ADGRL3: variants seen among roughly 807,000 people sequenced by gnomAD.
The protein encoded by ADGRL3 is calcium-independent alpha-latrotoxin receptor 3.
Under a neutral mutation model 153.5 loss-of-function variants are expected in ADGRL3, and 62 were observed. That is an observed-to-expected ratio of 0.40 (90% CI 0.33 to 0.50). The LOEUF (loss-of-function observed/expected upper bound fraction) is 0.50, where lower values mean the gene tolerates loss of function less well. Ranked by LOEUF, ADGRL3 falls within the 20% of genes least tolerant of loss-of-function variation. The pLI, the probability that ADGRL3 is intolerant of heterozygous loss-of-function variation, is 0.47. For synonymous variants in ADGRL3, 710 were observed against 672.5 expected (o/e 1.06, Z -0.86); for missense variants, 1,641 against 1,859.4 (o/e 0.88, Z 2.16).
intron 25 of ADGRL3, among the ~76,000 whole-genome samples, chr4:62,051,000 A>T (rs1733792583): frequency 6.6e-6 from 1 of 151,478 alleles, no homozygotes; most frequent in South Asian, 2.1e-4. Context: ...AATTACTGTT[A>T]TATTTATGTC....
intron 6 of ADGRL3, among the ~76,000 whole-genome samples, chr4:61,707,825 A>G (rs1470017243): frequency 6.6e-6 from 1 of 152,074 alleles, no homozygotes; most frequent in Non-Finnish European, 1.5e-5. Context: ...CCCCCTGATG[A>G]TAGGCCCATA....
At chr4:61,339,830 T>C (rs1392568051) in intron 1 of ADGRL3, among the ~76,000 whole-genome samples, 1 of 152,224 alleles carries the variant, frequency 6.6e-6, no homozygotes, top group Non-Finnish European at 1.5e-5. Flanking sequence ...CAATCTTGGG[T>C]CTCTCTGTCT....
At chr4:62,035,648 T>C (rs1724571055) in intron 23 of ADGRL3, among the ~76,000 whole-genome samples, 1 of 152,126 alleles carries the variant, frequency 6.6e-6, no homozygotes, top group Non-Finnish European at 1.5e-5. Context: ...GTCCTCATTC[T>C]TTCCAGACAC....
chr4:62,027,050 A>T (rs1719060766), intron 21 of ADGRL3, among the ~76,000 whole-genome samples: 1 of 152,056 alleles, frequency 6.6e-6, no homozygotes, highest in African/African-American at 2.4e-5. Context: ...TACTATACGA[A>T]TTAAGGTAGA....
At chr4:61,428,264 A>T (rs2152391762) in intron 2 of ADGRL3, 1 of 152,638 alleles carries the variant, frequency 6.6e-6, no homozygotes, top group South Asian at 2.1e-4. Flanking sequence ...CTTCATAGAC[A>T]ATAGTGGCTC....
chr4:61,378,728 ACT>A (rs779406253), intron 1 of ADGRL3, among the ~76,000 whole-genome samples: 4 of 151,932 alleles, frequency 2.6e-5, no homozygotes, highest in Non-Finnish European at 5.9e-5. Flanking sequence ...TGAAAACCAG[ACT>A]CTGTGAAAAA....
chr4:61,951,567 C>A (rs1214305173), intron 17 of ADGRL3, among the ~76,000 whole-genome samples: 6 of 152,088 alleles, frequency 3.9e-5, no homozygotes, highest in African/African-American at 1.4e-4. Flanking sequence ...AATTAGATTT[C>A]AACTTTAGAT....
chr4:61,250,806 T>A (rs1251697359), intron 1 of ADGRL3, among the ~76,000 whole-genome samples: 1 of 152,164 alleles, frequency 6.6e-6, no homozygotes, highest in Admixed American at 6.6e-5. Context: ...GTTGGTAAGG[T>A]CACTTAAATG....
chr4:61,864,308 T>C (rs569727866), intron 9 of ADGRL3, among the ~76,000 whole-genome samples: 1 of 152,044 alleles, frequency 6.6e-6, no homozygotes, highest in Non-Finnish European at 1.5e-5. Context: ...AAATAACTTC[T>C]CTAAGTCAAT....
intron 5 of ADGRL3, among the ~76,000 whole-genome samples, chr4:61,625,309 T>C (rs2092766436): frequency 1.3e-5 from 2 of 152,042 alleles, no homozygotes; most frequent in South Asian, 2.1e-4. Context: ...TCAGAAAAGT[T>C]CAGTCATAAA....
chr4:61,616,508 C>T (rs115576800), intron 5 of ADGRL3, among the ~76,000 whole-genome samples: 2,147 of 152,190 alleles, frequency 0.014, 59 homozygotes, highest in African/African-American at 0.048. Context: ...CCACAAGAGA[C>T]GCCTTGTCCT....
At chr4:61,483,398 G>C (rs1316316395) in intron 2 of ADGRL3, among the ~76,000 whole-genome samples, 1 of 152,096 alleles carries the variant, frequency 6.6e-6, no homozygotes, top group Non-Finnish European at 1.5e-5. Context: ...AATAATGATA[G>C]CACTCAATTA....
At chr4:61,994,632 G>A (rs1008656857) in intron 19 of ADGRL3, among the ~76,000 whole-genome samples, 1 of 151,962 alleles carries the variant, frequency 6.6e-6, no homozygotes, top group Non-Finnish European at 1.5e-5. Context: ...TAGCATTTTA[G>A]TGTATTTGCT....
intron 2 of ADGRL3, among the ~76,000 whole-genome samples, chr4:61,404,420 T>C (rs1217658827): frequency 2.0e-5 from 3 of 152,154 alleles, no homozygotes; most frequent in Admixed American, 6.6e-5. Context: ...CCTTGCTGCT[T>C]TCCAATTGCA....
intron 8 of ADGRL3, among the ~76,000 whole-genome samples, chr4:61,756,026 T>C (rs1229440965): frequency 1.3e-5 from 2 of 152,162 alleles, no homozygotes; most frequent in African/African-American, 2.4e-5. Flanking sequence ...ACTGTAGCCT[T>C]GTAGTATAGT....
At chr4:61,363,339 A>ATT (rs35533541) in intron 1 of ADGRL3, among the ~76,000 whole-genome samples, 212 of 146,976 alleles carry the variant, frequency 1.4e-3, no homozygotes, top group Non-Finnish European at 1.9e-3. Flanking sequence ...AAAGCCGGTA[A>ATT]TTTTTTTTTT....
chr4:61,864,148 T>G (rs547370589), intron 9 of ADGRL3, among the ~76,000 whole-genome samples: 1 of 152,330 alleles, frequency 6.6e-6, no homozygotes, highest in East Asian at 1.9e-4. Flanking sequence ...TCTCTGGAAA[T>G]TCAGTTACTG....
At chr4:62,006,547 A>C (rs1299064190) in intron 21 of ADGRL3, among the ~76,000 whole-genome samples, 2 of 151,132 alleles carry the variant, frequency 1.3e-5, no homozygotes, top group East Asian at 3.9e-4. Flanking sequence ...GTGAAAGCTG[A>C]AGATACAATT....
chr4:61,992,043 G>A (rs2099105554), intron 19 of ADGRL3, among the ~76,000 whole-genome samples: 1 of 151,462 alleles, frequency 6.6e-6, no homozygotes, highest in South Asian at 2.1e-4. Context: ...ATAATGTATA[G>A]ATGATATACA....
Sources: allele counts gnomAD v4.1 joint callset (sites outside exome capture counted in the v4.1 genomes callset), GRCh38; gene constraint gnomAD v4.1.1; transcripts MANE v1.5; gene names NCBI Gene and HGNC (gene_info 2026-07-23, HGNC 2026-07-21).